The following SLC60A2 variants were observed in gnomAD, a reference collection of about 807,000 sequenced individuals.
The protein encoded by SLC60A2 is solute carrier family 60 member 2, also known as major facilitator superfamily domain containing 4B.
the SLC60A2 span, among the ~76,000 whole-genome samples, chr6:111,272,732 G>C: frequency 2.0e-5 from 3 of 151,474 alleles, no homozygotes; most frequent in African/African-American, 4.8e-5. Flanking sequence ...GGCTGGTCTC[G>C]AACTCCTGAC....
At chr6:111,279,497 C>T in the SLC60A2 span, among the ~76,000 whole-genome samples, 6 of 151,200 alleles carry the variant, frequency 4.0e-5, no homozygotes, top group East Asian at 1.2e-3. Context: ...ATCCGCCCAC[C>T]TCGGCCTCCC....
At chr6:111,272,217 G>A in the SLC60A2 span, among the ~76,000 whole-genome samples, 1 of 151,916 alleles carries the variant, frequency 6.6e-6, no homozygotes, top group East Asian at 1.9e-4. Flanking sequence ...TGGCCAGGCT[G>A]GTCTCAAACT....
the SLC60A2 span, chr6:111,271,243 A>C: frequency 6.7e-6 from 1 of 149,684 alleles, no homozygotes; most frequent in Non-Finnish European, 1.5e-5. Flanking sequence ...GCTTGAGTTT[A>C]TTTGTATTTT....
chr6:111,265,770 T>G, the SLC60A2 span: 1 of 840,642 alleles, frequency 1.2e-6, no homozygotes, highest in Non-Finnish European at 1.8e-6. Context: ...TTATAATGCT[T>G]GTGCTATGTA....
the SLC60A2 span, chr6:111,265,275 A>AG: frequency 1.0e-6 from 1 of 981,058 alleles, no homozygotes. Flanking sequence ...TTGAAAAAAA[A>AG]GAAGATAGCT....
the SLC60A2 span, among the ~76,000 whole-genome samples, chr6:111,261,626 C>T: frequency 6.6e-6 from 1 of 152,092 alleles, no homozygotes; most frequent in African/African-American, 2.4e-5. Context: ...CAGAGTCTCG[C>T]TCTGTCGCCC....
At chr6:111,275,929 G>A in the SLC60A2 span, among the ~76,000 whole-genome samples, 5 of 152,234 alleles carry the variant, frequency 3.3e-5, no homozygotes, top group South Asian at 8.3e-4. Flanking sequence ...AACAGTAACT[G>A]CCATTCTACG....
chr6:111,266,932 T>C, the SLC60A2 span: 4 of 1,614,090 alleles, frequency 2.5e-6, no homozygotes, highest in Non-Finnish European at 3.4e-6. Flanking sequence ...TTTGAAATGA[T>C]TGAAACGAAT....
the SLC60A2 span, among the ~76,000 whole-genome samples, chr6:111,263,192 T>G: frequency 2.0e-5 from 3 of 151,842 alleles, no homozygotes; most frequent in Non-Finnish European, 4.4e-5. Flanking sequence ...CCTCCCAGAG[T>G]ATTGGGATTA....
chr6:111,266,853 A>G, the SLC60A2 span: 1 of 1,613,986 alleles, frequency 6.2e-7, no homozygotes, highest in Non-Finnish European at 8.5e-7. Flanking sequence ...TCTGCTCTCT[A>G]GCTCCGGGCT....
chr6:111,259,382 A>G, the SLC60A2 span: 1 of 364,874 alleles, frequency 2.7e-6, no homozygotes, highest in Non-Finnish European at 4.9e-6. Flanking sequence ...GGCGTGCCGA[A>G]GTTCCTCTTC....
the SLC60A2 span, among the ~76,000 whole-genome samples, chr6:111,260,018 C>T: frequency 6.8e-6 from 1 of 147,228 alleles, no homozygotes; most frequent in African/African-American, 2.5e-5. Flanking sequence ...TCAAGCGATT[C>T]TCCTGCGTCA....
At chr6:111,271,775 T>TA in the SLC60A2 span, among the ~76,000 whole-genome samples, 366 of 18,836 alleles carry the variant, frequency 0.019, 45 homozygotes, top group African/African-American at 0.042. Flanking sequence ...CCATCTCTAC[T>TA]AAAAAAAAAA....
the SLC60A2 span, chr6:111,263,877 T>A: frequency 6.2e-7 from 1 of 1,612,808 alleles, no homozygotes; most frequent in Non-Finnish European, 8.5e-7. Flanking sequence ...TGTTCCTTTT[T>A]GCAAGACAGC....
the SLC60A2 span, among the ~76,000 whole-genome samples, chr6:111,261,743 A>G: frequency 1.3e-5 from 2 of 151,922 alleles, no homozygotes; most frequent in East Asian, 3.9e-4. Flanking sequence ...ACAGGCGCCC[A>G]CCACCATGCC....
chr6:111,272,876 G>T, the SLC60A2 span, among the ~76,000 whole-genome samples: 1 of 151,816 alleles, frequency 6.6e-6, no homozygotes, highest in Admixed American at 6.6e-5. Context: ...TGTCACCCAG[G>T]CTGGAGTGCA....
At chr6:111,274,811 G>C in the SLC60A2 span, among the ~76,000 whole-genome samples, 1 of 152,106 alleles carries the variant, frequency 6.6e-6, no homozygotes, top group Non-Finnish European at 1.5e-5. Context: ...TCTGGGATCT[G>C]TGTTTATTTT....
the SLC60A2 span, among the ~76,000 whole-genome samples, chr6:111,261,380 A>C: frequency 2.0e-5 from 3 of 152,134 alleles, no homozygotes; most frequent in African/African-American, 7.2e-5. Context: ...TCTCGACCTC[A>C]GGGCTTAAGC....
the SLC60A2 span, among the ~76,000 whole-genome samples, chr6:111,262,730 T>A: frequency 6.6e-6 from 1 of 152,118 alleles, no homozygotes; most frequent in African/African-American, 2.4e-5. Context: ...AAAACTCTGC[T>A]TAGAGGGTTT....
Sources: gnomAD v4.1 joint callset for allele counts (sites outside exome capture counted in the v4.1 genomes callset) on GRCh38, gnomAD v4.1.1 for gene constraint, MANE v1.5 for transcripts, NCBI Gene and HGNC (gene_info 2026-07-23, HGNC 2026-07-21) for gene names.